The following MDGA2 variants were observed in gnomAD, a reference collection of about 807,000 sequenced individuals.
MDGA2 encodes MAM domain-containing glycosylphosphatidylinositol anchor protein 2.
In MDGA2, 40 loss-of-function variants were observed where a neutral mutation model predicts 117.8. The observed-to-expected ratio is 0.34, with a 90% CI of 0.26 to 0.44. The LOEUF (loss-of-function observed/expected upper bound fraction) is 0.44. Ranked by LOEUF, MDGA2 falls within the 20% of genes least tolerant of loss-of-function variation. MDGA2 has a pLI of 1.00. For missense variants in MDGA2, 1,123 were observed against 1,250.6 expected (o/e 0.90, Z 1.54); for synonymous variants, 452 against 439.0 (o/e 1.03, Z -0.37).
intron 1 of MDGA2, among the ~76,000 whole-genome samples, chr14:47,546,009 G>T (rs1303925711): frequency 6.6e-6 from 1 of 152,108 alleles, no homozygotes; most frequent in East Asian, 1.9e-4. Context: ...CCTTTTAAAT[G>T]ACTGGTTTAA....
chr14:47,199,343 A>G (rs1173987302), intron 3 of MDGA2, among the ~76,000 whole-genome samples: 1 of 152,198 alleles, frequency 6.6e-6, no homozygotes, highest in East Asian at 1.9e-4. Flanking sequence ...TATTTATCCT[A>G]GAAACACTTT....
intron 1 of MDGA2, among the ~76,000 whole-genome samples, chr14:47,469,201 A>T (rs1191591179): frequency 2.6e-5 from 4 of 151,910 alleles, no homozygotes; most frequent in African/African-American, 9.7e-5. Flanking sequence ...ACATGTGCAC[A>T]ATGTGCAGGT....
chr14:47,490,164 T>C (rs1440574512), intron 1 of MDGA2, among the ~76,000 whole-genome samples: 2 of 152,086 alleles, frequency 1.3e-5, no homozygotes, highest in Non-Finnish European at 2.9e-5. Context: ...TAATAAACTG[T>C]GTAAAGATTC....
intron 1 of MDGA2, among the ~76,000 whole-genome samples, chr14:47,431,842 G>A (rs556334803): frequency 6.6e-6 from 1 of 152,090 alleles, no homozygotes; most frequent in East Asian, 1.9e-4. Flanking sequence ...TCAGTAAAGA[G>A]TCTAAAAAGT....
At chr14:47,523,280 G>A (rs1239019909) in intron 1 of MDGA2, among the ~76,000 whole-genome samples, 5 of 152,154 alleles carry the variant, frequency 3.3e-5, no homozygotes, top group Admixed American at 2.0e-4. Flanking sequence ...TAAAACCTAC[G>A]TTAATTAGAA....
intron 1 of MDGA2, among the ~76,000 whole-genome samples, chr14:47,519,897 T>G (rs1329766475): frequency 6.6e-6 from 1 of 152,168 alleles, no homozygotes; most frequent in Non-Finnish European, 1.5e-5. Context: ...GTAAATAAAG[T>G]GCACTGAGCT....
At chr14:47,249,775 C>A (rs1372676730) in intron 2 of MDGA2, among the ~76,000 whole-genome samples, 1 of 152,112 alleles carries the variant, frequency 6.6e-6, no homozygotes, top group Non-Finnish European at 1.5e-5. Flanking sequence ...TGAAGTCCTA[C>A]GGAGTAAGAC....
At chr14:47,313,196 A>C (rs547020024) in intron 1 of MDGA2, among the ~76,000 whole-genome samples, 41 of 152,194 alleles carry the variant, frequency 2.7e-4, no homozygotes, top group Non-Finnish European at 5.4e-4. Flanking sequence ...ATGTCAAACC[A>C]AATAAGCTAT....
At chr14:47,178,585 G>C (rs569154786) in intron 3 of MDGA2, among the ~76,000 whole-genome samples, 23 of 152,056 alleles carry the variant, frequency 1.5e-4, no homozygotes, top group African/African-American at 5.3e-4. Context: ...TATGTACCAG[G>C]CACTGACCTA....
At chr14:47,369,851 C>T (rs964920840) in intron 1 of MDGA2, among the ~76,000 whole-genome samples, 1 of 151,846 alleles carries the variant, frequency 6.6e-6, no homozygotes, top group African/African-American at 2.4e-5. Flanking sequence ...ATATTTGTAG[C>T]ATATAACTAG....
chr14:47,169,141 A>G lies in MDGA2; in HGVS notation c.596-24867T>C, dbSNP rs926607428. Among the ~76,000 whole-genome samples, 4 of 152,164 alleles carry G rather than the reference A, an allele frequency of 2.6e-5. No homozygotes were observed. In the East Asian group the frequency reaches 7.7e-4, roughly 29 times the overall value. On this transcript the variant is annotated intron_variant, in intron 3 of 16. Coordinates refer to ENST00000399232, the MANE Select transcript of MDGA2 (RefSeq NM_001113498.3). The stretch of plus-strand genomic sequence containing the variant: ...TGGGCATGGTAAGGTGACAGGAAAC[A>G]AAAGCCACTTTGCTTTATTTACATA...
chr14:47,003,785 T>G (rs1887617148), intron 8 of MDGA2, among the ~76,000 whole-genome samples: 1 of 152,054 alleles, frequency 6.6e-6, no homozygotes, highest in Non-Finnish European at 1.5e-5. Flanking sequence ...TATTCTGTAG[T>G]GTCTAATTTA....
intron 2 of MDGA2, among the ~76,000 whole-genome samples, chr14:47,287,301 G>C (rs1293234468): frequency 6.6e-6 from 1 of 152,000 alleles, no homozygotes; most frequent in Non-Finnish European, 1.5e-5. Context: ...GAAGGGGTGG[G>C]AACAAGTAGA....
chr14:47,582,911 T>A (rs1319347415), intron 1 of MDGA2, among the ~76,000 whole-genome samples: 2 of 151,934 alleles, frequency 1.3e-5, no homozygotes, highest in East Asian at 3.9e-4. Context: ...TCTCACTGCA[T>A]AAGCTTCTAA....
intron 5 of MDGA2, among the ~76,000 whole-genome samples, chr14:47,104,209 G>T (rs1272586023): frequency 1.4e-4 from 22 of 152,138 alleles, no homozygotes; most frequent in Non-Finnish European, 3.1e-4. Flanking sequence ...AGGCCTCTGA[G>T]CCCAAGCCAA....
At chr14:47,481,657 C>T (rs1038578954) in intron 1 of MDGA2, among the ~76,000 whole-genome samples, 11 of 151,864 alleles carry the variant, frequency 7.2e-5, no homozygotes, top group Admixed American at 2.6e-4. Context: ...AAGTCACATA[C>T]GAGAAATGAT....
intron 5 of MDGA2, among the ~76,000 whole-genome samples, chr14:47,117,353 A>G (rs191027205): frequency 5.9e-5 from 9 of 152,280 alleles, no homozygotes; most frequent in Admixed American, 2.0e-4. Context: ...TCAAAATATT[A>G]AAACTGTGTC....
intron 12 of MDGA2, among the ~76,000 whole-genome samples, chr14:46,876,251 T>G (rs1288187232): frequency 6.6e-6 from 1 of 151,492 alleles, no homozygotes; most frequent in Non-Finnish European, 1.5e-5. Flanking sequence ...TATAAAAAGT[T>G]GGCAGGTAAA....
intron 1 of MDGA2, among the ~76,000 whole-genome samples, chr14:47,321,023 T>C (rs1026851807): frequency 6.6e-6 from 1 of 152,186 alleles, no homozygotes; most frequent in Non-Finnish European, 1.5e-5. Context: ...TCGTATATTA[T>C]GGCAAGGATA....
Sources: gnomAD v4.1 joint callset for allele counts (sites outside exome capture counted in the v4.1 genomes callset) on GRCh38, gnomAD v4.1.1 for gene constraint, MANE v1.5 for transcripts, NCBI Gene and HGNC (gene_info 2026-07-23, HGNC 2026-07-21) for gene names.